The following HIGD1C variants were observed in gnomAD, a reference collection of about 807,000 sequenced individuals.
HIGD1C encodes the protein HIG1 domain family member 1C.
A neutral mutation model predicts 13.1 loss-of-function variants in HIGD1C; 11 were observed. That is an observed-to-expected ratio of 0.84 (90% CI 0.53 to 1.39). The LOEUF (loss-of-function observed/expected upper bound fraction) is 1.39, where lower values mean the gene tolerates loss of function less well. Among genes scored for constraint, HIGD1C ranks in the 40% most tolerant of loss-of-function variants. HIGD1C has a pLI of 0.00. For synonymous variants in HIGD1C, 36 were observed against 37.7 expected (o/e 0.95, Z 0.17); for missense variants, 110 against 112.0 (o/e 0.98, Z 0.08).
chr12:50,940,990 A>G, the HIGD1C span, among the ~76,000 whole-genome samples: 4 of 151,810 alleles, frequency 2.6e-5, no homozygotes, highest in Non-Finnish European at 5.9e-5. Context: ...GACCACAGGC[A>G]TGTGCCACCA....
At chr12:50,965,011 T>C (rs1207363741) in intron 2 of HIGD1C, among the ~76,000 whole-genome samples, 1 of 151,982 alleles carries the variant, frequency 6.6e-6, no homozygotes, top group Non-Finnish European at 1.5e-5. Flanking sequence ...GCACGACCCA[T>C]TGCATCTAGC....
At chr12:50,945,003 A>G in the HIGD1C span, among the ~76,000 whole-genome samples, 1 of 152,326 alleles carries the variant, frequency 6.6e-6, no homozygotes, top group East Asian at 1.9e-4. Flanking sequence ...TTATCTCAAT[A>G]CATGCAGAAA....
chr12:50,949,897 C>T (rs189785278), upstream of HIGD1C, among the ~76,000 whole-genome samples: 9 of 152,316 alleles, frequency 5.9e-5, 1 homozygote, highest in Admixed American at 2.6e-4. Context: ...TTTCTGAGCT[C>T]ATTCCCCCAA....
At chr12:50,937,445 G>A in the HIGD1C span, among the ~76,000 whole-genome samples, 1 of 152,220 alleles carries the variant, frequency 6.6e-6, no homozygotes, top group Non-Finnish European at 1.5e-5. Context: ...GTTACAGCAT[G>A]TCACAGCCCT....
chr12:50,968,548 A>G (rs1183153262), intron 2 of HIGD1C, among the ~76,000 whole-genome samples: 1 of 151,528 alleles, frequency 6.6e-6, no homozygotes, highest in Admixed American at 6.6e-5. Flanking sequence ...CACCATGCCC[A>G]GCTAATTTTT....
At chr12:50,953,070 T>C (rs1938957514), upstream of HIGD1C, among the ~76,000 whole-genome samples, 1 of 152,144 alleles carries the variant, frequency 6.6e-6, no homozygotes, top group African/African-American at 2.4e-5. Flanking sequence ...AGCAGGGTGC[T>C]GGAAATCTTG....
At chr12:50,933,744 C>A in the HIGD1C span, among the ~76,000 whole-genome samples, 2 of 152,194 alleles carry the variant, frequency 1.3e-5, no homozygotes, top group Non-Finnish European at 2.9e-5. Flanking sequence ...AGGTCATGTG[C>A]CCTGAGCACA....
chr12:50,934,937 C>T, the HIGD1C span: 1 of 152,042 alleles, frequency 6.6e-6, no homozygotes, highest in African/African-American at 2.4e-5. Context: ...ATTAAAATGT[C>T]TTATATTCTG....
At chr12:50,944,567 C>A in the HIGD1C span, among the ~76,000 whole-genome samples, 11,320 of 152,202 alleles carry the variant, frequency 0.074, 776 homozygotes, top group East Asian at 0.28. Flanking sequence ...GCTTTCTCAT[C>A]CTCCCTTCAC....
rs1200440452 is a variant in HIGD1C, at chr12:50,964,405, G to T, written c.229+3303G>T. Reference sequence around the variant, plus strand: ...ATTATTAGGCATCCTGCCTGTGTTGGATTTAGTTTTCCATTGTCTTTAATC... The same window carrying T: ...ATTATTAGGCATCCTGCCTGTGTTGTATTTAGTTTTCCATTGTCTTTAATC... On this transcript the variant is annotated intron_variant, in intron 2 of 2. Coordinates refer to ENST00000398455, the Ensembl canonical transcript of HIGD1C. Among the ~76,000 whole-genome samples, 13 of 152,314 alleles carry T rather than the reference G, an allele frequency of 8.5e-5. No individual in the cohort carries two copies. The East Asian group carries it at 2.5e-3, about 29-fold the overall frequency.
the HIGD1C span, among the ~76,000 whole-genome samples, chr12:50,948,435 C>G: frequency 6.6e-6 from 1 of 152,156 alleles, no homozygotes; most frequent in African/African-American, 2.4e-5. Context: ...GAAAGAGACA[C>G]TTCTGTAGAT....
chr12:50,940,415 T>G, the HIGD1C span, among the ~76,000 whole-genome samples: 1 of 152,144 alleles, frequency 6.6e-6, no homozygotes, highest in East Asian at 1.9e-4. Context: ...TCTAAAATCC[T>G]TCCTAAAAAA....
At chr12:50,948,175 C>G in the HIGD1C span, among the ~76,000 whole-genome samples, 800 of 152,342 alleles carry the variant, frequency 5.3e-3, 11 homozygotes, top group African/African-American at 0.018. Context: ...TCACTTGACT[C>G]AGAATCCTTT....
At chr12:50,937,609 G>A in the HIGD1C span, among the ~76,000 whole-genome samples, 5 of 152,152 alleles carry the variant, frequency 3.3e-5, no homozygotes, top group Non-Finnish European at 5.9e-5. Flanking sequence ...ACCATTCGGC[G>A]GGTCCCTCGG....
intron 2 of HIGD1C, among the ~76,000 whole-genome samples, chr12:50,967,366 C>G (rs1455966230): frequency 2.0e-5 from 3 of 152,094 alleles, no homozygotes; most frequent in Non-Finnish European, 1.5e-5. Flanking sequence ...AGGCAAGTCT[C>G]AAATTCCTGG....
chr12:50,965,071 C>G (rs922488851), intron 2 of HIGD1C, among the ~76,000 whole-genome samples: 1 of 151,984 alleles, frequency 6.6e-6, no homozygotes, highest in African/African-American at 2.4e-5. Context: ...CTCTACAATC[C>G]CTCTAGGAGT....
At chr12:50,953,112 C>A (rs1938959336), upstream of HIGD1C, among the ~76,000 whole-genome samples, 2 of 152,192 alleles carry the variant, frequency 1.3e-5, no homozygotes, top group South Asian at 4.1e-4. Context: ...CCCCAGTCCC[C>A]TGGGGCGTGT....
At chr12:50,946,046 G>C in the HIGD1C span, among the ~76,000 whole-genome samples, 5 of 152,166 alleles carry the variant, frequency 3.3e-5, no homozygotes, top group Admixed American at 6.5e-5. Flanking sequence ...AGCTGAAACT[G>C]GATCCCTTCC....
chr12:50,955,595 G>C lies in HIGD1C; in HGVS notation c.94+1503G>C, dbSNP rs148619490. 7.1e-4 allele frequency among the ~76,000 whole-genome samples: 108 copies of C among 152,220 alleles called. 2 individuals are homozygous for C. In the East Asian group the frequency reaches 0.02, roughly 28 times the overall value. On this transcript the variant is annotated intron_variant, in intron 1 of 2. Coordinates refer to ENST00000398455, the Ensembl canonical transcript of HIGD1C. ...CTAAATAGGTATGTCAGATGTTCCC[G>C]TTAAGTGTTACTCTGACTCTAGCAA...
Sources: gnomAD v4.1 joint callset for allele counts (sites outside exome capture counted in the v4.1 genomes callset) on GRCh38, gnomAD v4.1.1 for gene constraint, MANE v1.5 for transcripts, NCBI Gene and HGNC (gene_info 2026-07-23, HGNC 2026-07-21) for gene names.